Variants in LRP1B observed in about 807,000 individuals in gnomAD.
LRP1B encodes the protein low-density lipoprotein receptor-related protein 1B.
LRP1B carries 217 observed loss-of-function variants against 556.6 expected under a neutral mutation model. The observed-to-expected ratio is 0.39, with a 90% confidence interval of 0.35 to 0.44. The LOEUF is 0.44. LRP1B is among the 20% of genes least tolerant of loss of function. The pLI is 1.00. For synonymous variants in LRP1B, 2,047 were observed against 1,865.8 expected (o/e 1.10, Z -2.50); for missense variants, 5,053 against 5,620.8 (o/e 0.90, Z 3.23).
chr2:141,746,989 TA>T (rs5834864), intron 2 of LRP1B, among the ~76,000 whole-genome samples: 146,898 of 152,108 alleles, frequency 0.97, 71,133 homozygotes, highest in East Asian at 1. Context: ...TCCTTCATGT[TA>T]AAAAAAATCT....
chr2:140,339,118 T>G (rs866466246), intron 77 of LRP1B, among the ~76,000 whole-genome samples: 6 of 151,786 alleles, frequency 4.0e-5, no homozygotes, highest in Middle Eastern at 3.2e-3. Context: ...TTTGTAGGAA[T>G]GCATTAGTCA....
intron 35 of LRP1B, among the ~76,000 whole-genome samples, chr2:140,733,885 T>G (rs761263479): frequency 2.0e-5 from 3 of 152,224 alleles, no homozygotes; most frequent in African/African-American, 2.4e-5. Flanking sequence ...TAAGCAAAAT[T>G]TAATTATCAT....
chr2:142,031,589 GA>G (rs1036177154), intron 1 of LRP1B, among the ~76,000 whole-genome samples: 50 of 141,644 alleles, frequency 3.5e-4, no homozygotes, highest in African/African-American at 1.1e-3. Flanking sequence ...GTATTGAAGA[GA>G]AAAAAATGAC....
chr2:141,353,214 T>C (rs759374452), intron 3 of LRP1B, among the ~76,000 whole-genome samples: 4 of 151,948 alleles, frequency 2.6e-5, no homozygotes, highest in African/African-American at 4.8e-5. Flanking sequence ...GCAGAAGTGA[T>C]ATGCAGTATT....
intron 2 of LRP1B, among the ~76,000 whole-genome samples, chr2:141,581,025 G>C (rs755690756): frequency 6.6e-6 from 1 of 152,192 alleles, no homozygotes; most frequent in Non-Finnish European, 1.5e-5. Context: ...ATCCTGATAA[G>C]TGTATACATG....
At chr2:141,419,398 T>C (rs779686739) in intron 3 of LRP1B, among the ~76,000 whole-genome samples, 3 of 152,190 alleles carry the variant, frequency 2.0e-5, no homozygotes, top group Non-Finnish European at 4.4e-5. Flanking sequence ...TCAGTGAAGC[T>C]ATCTGGTTCT....
Position 140,953,456 on chromosome 2 carries a change from A to G in LRP1B, c.2888-1516T>C, listed in dbSNP as rs572491390. 6.2e-4 allele frequency among the ~76,000 whole-genome samples: 95 copies of G among 152,284 alleles called. 1 individual carries two copies. The highest frequency in any genetic ancestry group is 2.2e-3 in the African/African-American group (93 of 41,562). ...TTTTGTGACTAATATTTGTTTTTCC[A>G]TTTAAGACCACTGACACAGAATCAT... On this transcript the variant is annotated intron_variant, in intron 18 of 90. Coordinates refer to ENST00000389484, the MANE Select transcript of LRP1B (RefSeq NM_018557.3).
intron 1 of LRP1B, among the ~76,000 whole-genome samples, chr2:141,911,253 T>C (rs1344242289): frequency 2.0e-5 from 3 of 152,222 alleles, no homozygotes; most frequent in Non-Finnish European, 4.4e-5. Context: ...TTACATTTAA[T>C]GCAATCTCTC....
chr2:140,372,120 T>C lies in LRP1B; in HGVS notation c.10769-835A>G, dbSNP rs376682909. Among the ~76,000 whole-genome samples the C allele has an allele frequency of 1.8e-3, 277 of 152,208 alleles. 2 individuals carry two copies. The highest frequency in any genetic ancestry group is 2.8e-3 in the Non-Finnish European group (188 of 67,974). On this transcript the variant is annotated intron_variant, in intron 69 of 90. Transcript: ENST00000389484. ...TCTGGCCTTATGTTAGACCACTGTGTAGTCTCTCATACTTACTTAATGACT... is the reference window on the plus strand; with the variant it reads ...TCTGGCCTTATGTTAGACCACTGTGCAGTCTCTCATACTTACTTAATGACT...
chr2:142,086,783 A>G (rs1450022548), intron 1 of LRP1B, among the ~76,000 whole-genome samples: 1 of 152,096 alleles, frequency 6.6e-6, no homozygotes, highest in Non-Finnish European at 1.5e-5. Context: ...AGTGTCCTAC[A>G]TATTATCTGT....
chr2:140,818,518 T>G (rs1364181468), intron 31 of LRP1B, among the ~76,000 whole-genome samples: 1 of 152,176 alleles, frequency 6.6e-6, no homozygotes, highest in Non-Finnish European at 1.5e-5. Context: ...CAGAACTGTT[T>G]TGGAAACATT....
intron 2 of LRP1B, among the ~76,000 whole-genome samples, chr2:141,687,274 C>A (rs1441796638): frequency 6.6e-6 from 1 of 151,840 alleles, no homozygotes; most frequent in Non-Finnish European, 1.5e-5. Flanking sequence ...TGAAAACAAC[C>A]TAGATAACAT....
chr2:140,828,789 C>CAAAAA (rs57621380), intron 31 of LRP1B, among the ~76,000 whole-genome samples: 1 of 7,964 alleles, frequency 1.3e-4, no homozygotes, highest in African/African-American at 3.0e-4. Flanking sequence ...GACTCCGTCT[C>CAAAAA]AAAAAAAAAA....
chr2:140,416,780 C>T, intron 66 of LRP1B, among the ~76,000 whole-genome samples: 1 of 152,158 alleles, frequency 6.6e-6, no homozygotes, highest in Admixed American at 6.5e-5. Flanking sequence ...AAGTCAGAAT[C>T]CAAAACTTAT....
At chr2:142,111,089 T>G (rs1430469169) in intron 1 of LRP1B, among the ~76,000 whole-genome samples, 1 of 152,162 alleles carries the variant, frequency 6.6e-6, no homozygotes, top group African/African-American at 2.4e-5. Context: ...TAAACTTCAC[T>G]GATTTCTAAG....
At chr2:141,189,937 A>AAAGAAAGAAAGAAAAGG (rs142907984) in intron 6 of LRP1B, among the ~76,000 whole-genome samples, 143,158 of 150,386 alleles carry the variant, frequency 0.95, 68,492 homozygotes, top group South Asian at 1. Flanking sequence ...CCTTTAGAAG[A>AAAGAAAGAAAGAAAAGG]AAGAAAGAAA....
At chr2:141,978,214 C>G (rs150166005) in intron 1 of LRP1B, among the ~76,000 whole-genome samples, 29 of 152,052 alleles carry the variant, frequency 1.9e-4, no homozygotes, top group Middle Eastern at 3.4e-3. Context: ...TTCTGAAAAA[C>G]ACAACGTCTA....
At position 141,987,504 on chromosome 2, in the gene LRP1B, A is replaced by G. The variant is rs189638605; in HGVS notation, c.82+143144T>C. ...CTGCGACACAGTGCAATTAGCAACA[A>G]TTAATTAACCTTACAGAAAACCGGT... On this transcript the variant is annotated intron_variant, in intron 1 of 90. Transcript: ENST00000389484. 3.1e-3 allele frequency among the ~76,000 whole-genome samples: 458 copies of G among 150,016 alleles called. 1 individual carries two copies. The highest frequency in any genetic ancestry group is 4.7e-3 in the Non-Finnish European group (317 of 67,618).
At chr2:140,632,130 G>A (rs577770516) in intron 41 of LRP1B, among the ~76,000 whole-genome samples, 16 of 152,210 alleles carry the variant, frequency 1.1e-4, no homozygotes, top group Admixed American at 5.9e-4. Flanking sequence ...TAATCCTGCC[G>A]TGCAAAAGAA....
Sources: gnomAD v4.1 joint callset for allele counts (sites outside exome capture counted in the v4.1 genomes callset) on GRCh38, gnomAD v4.1.1 for gene constraint, MANE v1.5 for transcripts, NCBI Gene and HGNC (gene_info 2026-07-23, HGNC 2026-07-21) for gene names.